Variants in PRDM10 observed in about 807,000 individuals in gnomAD.
PRDM10 encodes the protein PR/SET domain 10.
A neutral mutation model predicts 133.1 loss-of-function variants in PRDM10; 65 were observed. The ratio of observed to expected loss-of-function variants is 0.49; its 90% confidence interval spans 0.40 to 0.60. The LOEUF is 0.60. PRDM10 is among the 20% of genes least tolerant of loss of function. PRDM10 has a pLI of 0.00. For missense variants in PRDM10, 1,137 were observed against 1,507.1 expected (o/e 0.75, Z 4.07); for synonymous variants, 582 against 580.4 (o/e 1.00, Z -0.04).
intron 1 of PRDM10, among the ~76,000 whole-genome samples, chr11:129,974,043 G>A (rs1010726327): frequency 6.6e-5 from 10 of 152,272 alleles, no homozygotes; most frequent in Admixed American, 4.6e-4. Context: ...TTCCAGCCCC[G>A]CCTCCAGCTC....
At chr11:129,963,956 CT>C (rs2135931825) in intron 1 of PRDM10, among the ~76,000 whole-genome samples, 1 of 152,330 alleles carries the variant, frequency 6.6e-6, no homozygotes, top group African/African-American at 2.4e-5. Flanking sequence ...GTTCCCTGCT[CT>C]TTCTTGGTCT....
At chr11:129,914,605 C>T in intron 17 of PRDM10, 99 bp downstream of exon 17, 1 of 1,515,782 alleles carries the variant, frequency 6.6e-7, no homozygotes. Context: ...AACTTCCACG[C>T]AGAAGGACAT....
chr11:129,989,524 G>C (rs1938616352), intron 1 of PRDM10, among the ~76,000 whole-genome samples: 1 of 152,094 alleles, frequency 6.6e-6, no homozygotes, highest in Non-Finnish European at 1.5e-5. Flanking sequence ...GAATTAGCCA[G>C]TGCAGTAATT....
intron 1 of PRDM10, among the ~76,000 whole-genome samples, chr11:129,993,752 G>A (rs189856592): frequency 0.01 from 1,549 of 152,212 alleles, 31 homozygotes; most frequent in African/African-American, 0.035. Flanking sequence ...CCAAAGTGCT[G>A]GGATTACAGG....
chr11:129,954,276 T>C (rs1486339923), intron 4 of PRDM10, among the ~76,000 whole-genome samples: 2 of 151,300 alleles, frequency 1.3e-5, no homozygotes, highest in Non-Finnish European at 2.9e-5. Context: ...ATTTTTTTTT[T>C]TTTTGAGATG....
Position 129,929,345 on chromosome 11 carries a change from C to T in PRDM10, c.1530+1671G>A. On this transcript the variant is annotated intron_variant, in intron 11 of 20. Coordinates refer to ENST00000360871, the MANE Select transcript of PRDM10 (RefSeq NM_199437.2). ...ACCAGGATTTAGTAAGTACAGGTTGCAAAGAACAGCAGGTCAGGCAAACAA... is the reference window on the plus strand; with the variant it reads ...ACCAGGATTTAGTAAGTACAGGTTGTAAAGAACAGCAGGTCAGGCAAACAA... The T allele has an allele frequency of 2.7e-6, 4 of 1,497,426 alleles. No homozygotes were observed. The South Asian group carries it at 5.3e-5, about 20-fold the overall frequency. The allele number at this position is 1,497,426 out of a possible 1,614,324, so 92.8% of individuals were successfully genotyped here.
chr11:129,987,423 T>A (rs2135984389), intron 1 of PRDM10, among the ~76,000 whole-genome samples: 1 of 152,296 alleles, frequency 6.6e-6, no homozygotes, highest in Non-Finnish European at 1.5e-5. Context: ...GGAACCCTCA[T>A]ACACTACTGG....
chr11:129,905,828 C>T (rs946341546), intron 19 of PRDM10, 87 bp from the exon 20 acceptor site: 26 of 1,101,412 alleles, frequency 2.4e-5, no homozygotes, highest in African/African-American at 9.4e-5. Context: ...AGCCACAGTC[C>T]GCACTGATTT....
At chr11:129,970,191 T>A (rs1472672392) in intron 1 of PRDM10, among the ~76,000 whole-genome samples, 2 of 152,198 alleles carry the variant, frequency 1.3e-5, no homozygotes, top group Admixed American at 6.5e-5. Context: ...GCATGTTCCC[T>A]AAAAAGGAAG....
chr11:129,934,446 C>A (rs766960956), intron 9 of PRDM10, among the ~76,000 whole-genome samples: 8 of 152,180 alleles, frequency 5.3e-5, no homozygotes, highest in Non-Finnish European at 1.0e-4. Flanking sequence ...ATTCCTCCCC[C>A]AAACTATTGT....
chr11:129,984,387 G>A (rs528420449), intron 1 of PRDM10, among the ~76,000 whole-genome samples: 6 of 152,122 alleles, frequency 3.9e-5, no homozygotes, highest in Non-Finnish European at 8.8e-5. Context: ...TTGAGCCCGC[G>A]TTCCTGCTCA....
At chr11:129,928,861 C>T (rs1950765742) in intron 11 of PRDM10, among the ~76,000 whole-genome samples, 1 of 152,200 alleles carries the variant, frequency 6.6e-6, no homozygotes, top group African/African-American at 2.4e-5. Context: ...GCAAGAACCT[C>T]CTGTGTCTGG....
intron 13 of PRDM10, among the ~76,000 whole-genome samples, chr11:129,920,358 G>A (rs961561828): frequency 1.3e-5 from 2 of 151,976 alleles, no homozygotes; most frequent in East Asian, 1.9e-4. Context: ...TGGTATCAGC[G>A]GTGTTCCCAA....
chr11:129,990,885 A>G (rs775075010), intron 1 of PRDM10, among the ~76,000 whole-genome samples: 1 of 152,208 alleles, frequency 6.6e-6, no homozygotes, highest in Non-Finnish European at 1.5e-5. Flanking sequence ...CAGATAGACA[A>G]CATACTGACA....
At chr11:129,960,774 G>T in intron 2 of PRDM10, 122 bp downstream of exon 2, 1 of 971,246 alleles carries the variant, frequency 1.0e-6, no homozygotes, top group Non-Finnish European at 1.6e-6. Flanking sequence ...TTGTGTACGA[G>T]TTCTTCATGT....
intron 12 of PRDM10, among the ~76,000 whole-genome samples, chr11:129,924,620 C>G (rs921916496): frequency 6.6e-6 from 1 of 152,124 alleles, no homozygotes; most frequent in Non-Finnish European, 1.5e-5. Flanking sequence ...TTATGAAAGA[C>G]TTTTTAAAAA....
At chr11:129,981,979 C>A (rs916158241) in intron 1 of PRDM10, among the ~76,000 whole-genome samples, 16 of 151,930 alleles carry the variant, frequency 1.1e-4, no homozygotes, top group Non-Finnish European at 2.1e-4. Context: ...AAAATATGGC[C>A]AGGTGCAGTG....
chr11:129,904,534 T>C lies in PRDM10; in HGVS notation c.3267+1104A>G, dbSNP rs529296668. On this transcript the variant is annotated intron_variant, in intron 20 of 20. Transcript: ENST00000360871. The stretch of plus-strand genomic sequence containing the variant: ...TTCTTTTCTGAGACAGAGTCTCACT[T>C]TGTTGCCCAGGCTGGAGTGCAGTGG... Among the ~76,000 whole-genome samples, 7 of 152,290 alleles carry C rather than the reference T, an allele frequency of 4.6e-5. No homozygotes were observed. In the East Asian group the frequency reaches 1.4e-3, roughly 29 times the overall value.
chr11:129,999,759 C>T (rs574571589), intron 1 of PRDM10, among the ~76,000 whole-genome samples: 1 of 152,254 alleles, frequency 6.6e-6, no homozygotes, highest in East Asian at 1.9e-4. Flanking sequence ...AATTAGATTA[C>T]GCTTTTAAAA....
Sources: allele counts gnomAD v4.1 joint callset (sites outside exome capture counted in the v4.1 genomes callset), GRCh38; gene constraint gnomAD v4.1.1; transcripts MANE v1.5; gene names NCBI Gene and HGNC (gene_info 2026-07-23, HGNC 2026-07-21).